WDFY4: variants seen among roughly 807,000 people sequenced by gnomAD.
WDFY4 encodes the protein WD repeat- and FYVE domain-containing protein 4.
In WDFY4, 169 loss-of-function variants were observed where a neutral mutation model predicts 351.9. The ratio of observed to expected loss-of-function variants is 0.48; its 90% CI spans 0.42 to 0.55. The LOEUF (loss-of-function observed/expected upper bound fraction) is 0.55. Among genes scored for constraint, WDFY4 ranks in the 20% least tolerant of loss-of-function variants. WDFY4 has a pLI of 0.00. For synonymous variants in WDFY4, 1,622 were observed against 1,574.6 expected (o/e 1.03, Z -0.71); for missense variants, 3,803 against 3,935.6 (o/e 0.97, Z 0.90).
In WDFY4 at chr10:48,733,948, C is replaced by G; in HGVS notation, c.1600C>G (p.Pro534Ala). The change falls in exon 10 of 62, where the codon CCT becomes GCT. Residue 534 changes from proline to alanine, a missense_variant. By Grantham distance (27) the Pro-to-Ala change is conservative. Transcript: ENST00000325239. ...TATGGCAGGAAACAAAGTGTCCACT[C>G]CTGGTGTTCAGGATCCAGAAAGAGA... is the stretch of plus-strand genomic sequence containing the variant. ...MRKSGNKVST[P>A]GVQDPERELT... 1.9e-6 allele frequency: 3 copies of G among 1,551,704 alleles called. No individual in the cohort carries two copies. The highest frequency in any genetic ancestry group is 8.7e-7 in the Non-Finnish European group (1 of 1,146,982).
rs1371772634 is a variant in WDFY4, at chr10:48,976,954, C to T, written c.9266C>T (p.Thr3089Ile). ...PAWDTSQIII[T>I]GSQDGMVRVW... ...TGGGACACAAGCCAGATCATCATCA[C>T]CGGGAGTCAAGACGGCATGGTCCGG... Residue 3089 changes from threonine (T) to isoleucine (I), a missense_variant, in exon 59 of 62, where the codon ACC becomes ATC. By Grantham distance (89) the Thr-to-Ile change is moderately conservative. Transcript: ENST00000325239. The T allele has an allele frequency of 6.7e-7, 1 of 1,491,982 alleles. No homozygotes were observed. The highest frequency in any genetic ancestry group is 9.0e-7 in the Non-Finnish European group (1 of 1,114,012). 92.4% of individuals were successfully genotyped at this position (1,491,982 alleles called of 1,614,324 possible).
Position 48,695,417 on chromosome 10 carries a change from G to C in WDFY4, c.-18+10416G>C, listed in dbSNP as rs148601473. ...ATTCCACCACCACTGACCACTGCCT[G>C]AAGCCAACCTTGAGTGCTGGAAGAG... On this transcript the variant is annotated intron_variant, in intron 1 of 61. Transcript: ENST00000325239. Among the ~76,000 whole-genome samples, 234 of 152,322 alleles carry C rather than the reference G, an allele frequency of 1.5e-3. 1 individual carries two copies. Among genetic ancestry groups the C allele is most frequent in the Middle Eastern group, 6.8e-3 (2 of 294 alleles).
intron 53 of WDFY4, among the ~76,000 whole-genome samples, chr10:48,963,244 C>G (rs966033701): frequency 6.6e-6 from 1 of 152,192 alleles, no homozygotes; most frequent in African/African-American, 2.4e-5. Context: ...AGTGAAATCA[C>G]CTAACTCCTG....
At chr10:48,687,602 T>G (rs116977127) in intron 1 of WDFY4, among the ~76,000 whole-genome samples, 2,870 of 146,038 alleles carry the variant, frequency 0.02, 33 homozygotes, top group Non-Finnish European at 0.029. Context: ...ATTTATTTAA[T>G]AGGCCATTCT....
rs141999626 is a variant in WDFY4 at position 48,842,542 on chromosome 10, C to T, written c.6663+9833C>T. ...AGGGGCTTTCTCCTGCAAGTTCACT[C>T]GAAGGACAATGGCTGGGCTAGCAGA... On this transcript the variant is annotated intron_variant, in intron 39 of 61. Transcript: ENST00000325239. Among the ~76,000 whole-genome samples, 292 of 152,252 alleles carry T rather than the reference C, an allele frequency of 1.9e-3. 1 individual carries two copies. The highest frequency in any genetic ancestry group is 6.2e-3 in the African/African-American group (258 of 41,564).
At position 48,966,617 on chromosome 10, in the gene WDFY4, C is replaced by A. The variant is rs1369903768; in HGVS notation, c.8528C>A (p.Pro2843Gln). The A allele has an allele frequency of 1.3e-6, 2 of 1,551,966 alleles. No individual in the cohort carries two copies. The highest frequency in any genetic ancestry group is 8.7e-7 in the Non-Finnish European group (1 of 1,147,048). The change falls in exon 55 of 62, where the codon CCA becomes CAA. Residue 2843 changes from proline (P) to glutamine (Q), a missense_variant. Around this residue, in one of 3 missense-constraint regions of WDFY4, gnomAD observed 3,054 missense variants for 3,148.6 expected, o/e 0.97. Coordinates refer to ENST00000325239, the MANE Select transcript of WDFY4 (RefSeq NM_001394531.1). ...ACCCCCGTGAGCCTGCCTGGCCACC[C>A]ACAGCCCTTTTTCTACAGCCTGCAG... ...VSTPVSLPGH[P>Q]QPFFYSLQSL...
At chr10:48,870,359 G>T (rs1318463561) in intron 40 of WDFY4, among the ~76,000 whole-genome samples, 1 of 152,070 alleles carries the variant, frequency 6.6e-6, no homozygotes, top group Non-Finnish European at 1.5e-5. Context: ...ATCATTGCGA[G>T]ACCCCAACTC....
intron 51 of WDFY4, 55 bp from the exon 52 acceptor site, chr10:48,957,074 C>A: frequency 6.5e-7 from 1 of 1,527,728 alleles, no homozygotes; most frequent in Non-Finnish European, 8.8e-7. Flanking sequence ...CGGTGCCTGG[C>A]CAGCAGGAGG....
At chr10:48,713,136 C>G (rs2063810337) in intron 2 of WDFY4, among the ~76,000 whole-genome samples, 1 of 152,140 alleles carries the variant, frequency 6.6e-6, no homozygotes, top group African/African-American at 2.4e-5. Flanking sequence ...TGACTGACCC[C>G]CAGCCTCTTT....
chr10:48,821,268 C>A, intron 34 of WDFY4, 92 bp downstream of exon 34: 2 of 975,684 alleles, frequency 2.0e-6, no homozygotes, highest in South Asian at 1.5e-5. Context: ...CTGACCCTAG[C>A]TGTGGGATGC....
At chr10:48,813,865 G>C in intron 30 of WDFY4, 92 bp from the exon 31 acceptor site, 3 of 1,358,376 alleles carry the variant, frequency 2.2e-6, no homozygotes, top group Non-Finnish European at 2.9e-6. Flanking sequence ...TTTCCCACTG[G>C]GAACCCCTGG....
In WDFY4 at chr10:48,976,974, G is replaced by C; in HGVS notation, c.9286G>C (p.Val3096Leu). Residue 3096 changes from valine (V) to leucine (L), a missense_variant, in exon 59 of 62, where the codon GTC becomes CTC. Val to Leu is a conservative substitution (Grantham distance 32). Around this residue, in one of 3 missense-constraint regions of WDFY4, gnomAD observed 3,054 missense variants for 3,148.6 expected, o/e 0.97. Transcript: ENST00000325239. ...IIITGSQDGM[V>L]RVWKTEDVKM... ...CATCACCGGGAGTCAAGACGGCATGGTCCGGGTAGGTGTGTCTTGGGCAGA... is the reference window on the plus strand; with the variant it reads ...CATCACCGGGAGTCAAGACGGCATGCTCCGGGTAGGTGTGTCTTGGGCAGA... 6.9e-7 allele frequency: 1 copy of C among 1,454,716 alleles called. No individual in the cohort carries two copies. 90.1% of individuals were successfully genotyped at this position (1,454,716 alleles called of 1,614,324 possible).
chr10:48,734,067 G>T, intron 10 of WDFY4, 32 bp downstream of exon 10: 2 of 1,531,478 alleles, frequency 1.3e-6, no homozygotes, highest in Non-Finnish European at 1.8e-6. Context: ...CCTCATCACT[G>T]CTTGGTAAAA....
At chr10:48,725,484 G>A (rs1397626841) in intron 5 of WDFY4, among the ~76,000 whole-genome samples, 2 of 152,204 alleles carry the variant, frequency 1.3e-5, no homozygotes, top group Non-Finnish European at 2.9e-5. Context: ...GTCTCATGGA[G>A]AAGTAGAGTC....
chr10:48,842,199 T>A (rs2068629814), intron 39 of WDFY4, among the ~76,000 whole-genome samples: 1 of 151,864 alleles, frequency 6.6e-6, no homozygotes, highest in Non-Finnish European at 1.5e-5. Flanking sequence ...CTTTGTCCCC[T>A]TAAAAGGATC....
chr10:48,943,847 G>A (rs969147857), intron 49 of WDFY4, among the ~76,000 whole-genome samples: 3 of 152,068 alleles, frequency 2.0e-5, no homozygotes, highest in African/African-American at 4.8e-5. Context: ...CTCCCGCCTC[G>A]GCCTCCCAAA....
intron 21 of WDFY4, among the ~76,000 whole-genome samples, chr10:48,789,657 A>G (rs1026873959): frequency 6.6e-6 from 1 of 152,222 alleles, no homozygotes; most frequent in Admixed American, 6.5e-5. Flanking sequence ...GAAGCTGCTC[A>G]CTTACAATTC....
intron 5 of WDFY4, among the ~76,000 whole-genome samples, chr10:48,725,453 G>A (rs1413685909): frequency 2.0e-5 from 3 of 152,172 alleles, no homozygotes; most frequent in East Asian, 3.8e-4. Flanking sequence ...CCAGTTAGGA[G>A]GCTTTATGCT....
At chr10:48,787,520 C>A (rs1376752830) in intron 20 of WDFY4, among the ~76,000 whole-genome samples, 1 of 152,240 alleles carries the variant, frequency 6.6e-6, no homozygotes, top group Non-Finnish European at 1.5e-5. Context: ...TCTCTACTAG[C>A]ACATTGGGTA....
Sources: gnomAD v4.1 joint callset for allele counts (sites outside exome capture counted in the v4.1 genomes callset) on GRCh38, gnomAD v4.1.1 for gene constraint, gnomAD v4.1.1 regional missense constraint, MANE v1.5 for transcripts, NCBI Gene and HGNC (gene_info 2026-07-23, HGNC 2026-07-21) for gene names.